UACA: variants seen among roughly 807,000 people sequenced by gnomAD.
The protein encoded by UACA is nuclear membrane binding protein.
A neutral mutation model predicts 160.5 loss-of-function variants in UACA; 112 were observed. That is an observed-to-expected ratio of 0.70 (90% CI 0.60 to 0.82). UACA has a LOEUF of 0.82. Ranked by LOEUF, UACA falls within the 40% of genes least tolerant of loss-of-function variation. The pLI is 0.00. For missense variants in UACA, 1,574 were observed against 1,614.6 expected, an observed-to-expected ratio of 0.97 and a Z score of 0.43; for synonymous variants, 557 against 568.4, an observed-to-expected ratio of 0.98 and a Z score of 0.29.
chr15:70,767,596 A>G, upstream of UACA, among the ~76,000 whole-genome samples: 1 of 152,172 alleles, frequency 6.6e-6, no homozygotes, highest in African/African-American at 2.4e-5. Flanking sequence ...TCAAAAAAAA[A>G]AAAAGAATTG....
chr15:70,716,146 GT>G lies in UACA; in HGVS notation c.79-16487del, dbSNP rs537165392. Among the ~76,000 whole-genome samples, 34 of 152,324 alleles carry G rather than the reference GT, an allele frequency of 2.2e-4. No individual in the cohort carries two copies. In the East Asian group the frequency reaches 6.4e-3, roughly 29 times the overall value. ...ATTTGACAAATACAATGTGGCAGAAGTGACCTTTGTAGGAGATCCTGCTGCT... is the reference window on the plus strand; with the variant it reads ...ATTTGACAAATACAATGTGGCAGAAGGACCTTTGTAGGAGATCCTGCTGCT... On this transcript the variant is annotated intron_variant, in intron 1 of 18. Transcript: ENST00000322954.
upstream of UACA, among the ~76,000 whole-genome samples, chr15:70,764,186 A>G (rs1458129895): frequency 1.3e-5 from 2 of 152,210 alleles, no homozygotes; most frequent in Non-Finnish European, 2.9e-5. Context: ...AATCCGCCGT[A>G]TTGGAAGCAA....
At chr15:70,671,398 T>TA (rs1176943456) in intron 14 of UACA, 6 of 199,372 alleles carry the variant, frequency 3.0e-5, no homozygotes, top group Admixed American at 1.1e-4. Context: ...TACATGATAA[T>TA]AAAACATATA....
chr15:70,697,922 T>C (rs1898189314), intron 2 of UACA, among the ~76,000 whole-genome samples: 1 of 151,998 alleles, frequency 6.6e-6, no homozygotes, highest in Non-Finnish European at 1.5e-5. Context: ...TGGTGGTGCA[T>C]TCCTGCAATC....
intron 16 of UACA, among the ~76,000 whole-genome samples, chr15:70,666,503 T>C (rs556108870): frequency 6.6e-6 from 1 of 152,364 alleles, no homozygotes; most frequent in Non-Finnish European, 1.5e-5. Flanking sequence ...CCATCGTTCC[T>C]GAATTCTTGG....
At chr15:70,763,960 G>C (rs2030935252), upstream of UACA, among the ~76,000 whole-genome samples, 1 of 152,210 alleles carries the variant, frequency 6.6e-6, no homozygotes, top group Admixed American at 6.5e-5. Context: ...CCTGCACACA[G>C]AACAGCTTTC....
intron 1 of UACA, among the ~76,000 whole-genome samples, chr15:70,743,547 TA>T (rs1386649907): frequency 5.3e-5 from 8 of 152,216 alleles, no homozygotes; most frequent in Non-Finnish European, 1.0e-4. Flanking sequence ...CTTCCAGTCC[TA>T]AAATTCTAAA....
intron 16 of UACA, 129 bp downstream of exon 16, chr15:70,666,595 C>T: frequency 7.0e-6 from 5 of 714,266 alleles, no homozygotes; most frequent in Non-Finnish European, 1.0e-5. Flanking sequence ...GGAATTTTTG[C>T]ACGCAAGTTG....
At chr15:70,697,044 C>T (rs967819703) in intron 2 of UACA, among the ~76,000 whole-genome samples, 1 of 152,132 alleles carries the variant, frequency 6.6e-6, no homozygotes, top group Non-Finnish European at 1.5e-5. Flanking sequence ...ATAAAAAATA[C>T]TATTTTGCAA....
intron 15 of UACA, among the ~76,000 whole-genome samples, chr15:70,670,676 G>GA (rs1002832910): frequency 1.0e-3 from 143 of 141,660 alleles, no homozygotes; most frequent in African/African-American, 2.5e-3. Flanking sequence ...GGATCAAGAG[G>GA]AAAAAAAAAA....
At position 70,763,547 on chromosome 15, in the gene UACA, G is replaced by A. The variant is rs1445262091; in HGVS notation, c.-140C>T. 3.2e-6 allele frequency: 4 copies of A among 1,244,790 alleles called. No individual in the cohort carries two copies. The highest frequency in any genetic ancestry group is 4.0e-6 in the Non-Finnish European group (4 of 991,618). The allele number at this position is 1,244,790 out of a possible 1,614,324, so 77.1% of individuals were successfully genotyped here. A position where few individuals can be genotyped will look rare whatever the true frequency, so the allele number is the denominator to read the frequency against. On this transcript the variant is annotated 5_prime_UTR_variant, in exon 1 of 19. Transcript: ENST00000322954. ...GCCTGCCACCTGCGGGCCCCGGGCA[G>A]CAGACGTCGACAGGCCTGAGGCGGG...
At position 70,669,215 on chromosome 15, in the gene UACA, T is replaced by A; in HGVS notation, c.1469A>T (p.Glu490Val). The A allele has an allele frequency of 6.2e-7, 1 of 1,614,074 alleles. No homozygotes were observed. The highest frequency in any genetic ancestry group is 8.5e-7 in the Non-Finnish European group (1 of 1,179,990). The change falls in exon 16 of 19, where the codon GAA becomes GTA. Residue 490 changes from glutamate (E) to valine (V), a missense_variant. By Grantham distance (121) the Glu-to-Val change is moderately radical. Transcript: ENST00000322954. ...ECERVKEDSD[E>V]QIKQLEDALK... is the part of the protein sequence containing the mutation. ...TGCATCTTCTAATTGCTTTATCTGT[T>A]CATCTGAATCCTCCTTGACCCTTTC... is the stretch of plus-strand genomic sequence containing the variant.
At chr15:70,753,544 T>C (rs2030221101) in intron 1 of UACA, among the ~76,000 whole-genome samples, 1 of 152,226 alleles carries the variant, frequency 6.6e-6, no homozygotes, top group East Asian at 1.9e-4. Flanking sequence ...AACTCTTCAC[T>C]TATTAGCTAT....
the UACA span, among the ~76,000 whole-genome samples, chr15:70,772,001 G>C: frequency 6.6e-6 from 1 of 152,158 alleles, no homozygotes; most frequent in African/African-American, 2.4e-5. Flanking sequence ...TGTTCTAATA[G>C]GAAGCTAACT....
chr15:70,724,365 C>A (rs1488519848), intron 1 of UACA, among the ~76,000 whole-genome samples: 2 of 152,058 alleles, frequency 1.3e-5, no homozygotes, highest in Non-Finnish European at 2.9e-5. Flanking sequence ...ATATTTAACC[C>A]ATACTCACAG....
chr15:70,702,300 G>C, intron 1 of UACA: 3 of 1,009,474 alleles, frequency 3.0e-6, no homozygotes, highest in Non-Finnish European at 3.5e-6. Context: ...AGACGCTGCA[G>C]TGCATGATAA....
At chr15:70,752,566 C>G (rs1414674360) in intron 1 of UACA, among the ~76,000 whole-genome samples, 1 of 151,464 alleles carries the variant, frequency 6.6e-6, no homozygotes, top group Non-Finnish European at 1.5e-5. Context: ...CTCTAGAGCT[C>G]TCTTGGAATG....
At chr15:70,769,137 T>G in the UACA span, among the ~76,000 whole-genome samples, 11 of 151,748 alleles carry the variant, frequency 7.2e-5, no homozygotes, top group Admixed American at 5.3e-4. Flanking sequence ...GGCGGGCAGG[T>G]CACGAAGTCA....
intron 5 of UACA, among the ~76,000 whole-genome samples, chr15:70,688,137 A>G (rs1897796471): frequency 6.6e-6 from 1 of 152,180 alleles, no homozygotes; most frequent in Non-Finnish European, 1.5e-5. Context: ...ATTTTTAAAC[A>G]TGGCTATAAC....
Sources: gnomAD v4.1 joint callset for allele counts (sites outside exome capture counted in the v4.1 genomes callset) on GRCh38, gnomAD v4.1.1 for gene constraint, MANE v1.5 for transcripts, NCBI Gene and HGNC (gene_info 2026-07-23, HGNC 2026-07-21) for gene names.